Variants in GPHN observed in about 807,000 individuals in gnomAD.
The protein encoded by GPHN is gephyrin.
Under a neutral mutation model 95.5 loss-of-function variants are expected in GPHN, and 17 were observed. That is an observed-to-expected ratio of 0.18 (90% CI 0.12 to 0.27). GPHN has a LOEUF of 0.27. GPHN is among the 10% of genes least tolerant of loss of function. The pLI is 1.00. For missense variants in GPHN, 660 were observed against 978.1 expected (o/e 0.67, Z 4.34); for synonymous variants, 320 against 322.5 (o/e 0.99, Z 0.08).
intron 3 of GPHN, among the ~76,000 whole-genome samples, chr14:66,802,997 T>C (rs940038487): frequency 6.6e-6 from 1 of 152,170 alleles, no homozygotes; most frequent in Non-Finnish European, 1.5e-5. Context: ...CCACTGTCAG[T>C]GGACCCTGTT....
At chr14:67,341,285 C>T in the GPHN span, among the ~76,000 whole-genome samples, 78 of 152,148 alleles carry the variant, frequency 5.1e-4, no homozygotes, top group African/African-American at 1.6e-3. Context: ...TCTGCCCCAC[C>T]GCCCCTTCTG....
intron 17 of GPHN, among the ~76,000 whole-genome samples, chr14:67,125,768 C>T (rs375864712): frequency 1.8e-3 from 275 of 149,550 alleles, no homozygotes; most frequent in African/African-American, 6.5e-3. Flanking sequence ...CAGAGCGAGA[C>T]TCTGTCTCAA....
chr14:67,684,856 A>T, the GPHN span: 1 of 519,074 alleles, frequency 1.9e-6, no homozygotes, highest in African/African-American at 1.9e-5. Flanking sequence ...GTTATTACAA[A>T]AGAGAGTCAA....
chr14:67,724,637 T>C, the GPHN span: 1 of 1,374,634 alleles, frequency 7.3e-7, no homozygotes, highest in East Asian at 2.3e-5. Flanking sequence ...CCTCCCACCC[T>C]TCTTCCCACT....
At chr14:66,853,384 G>A (rs1045686702) in intron 4 of GPHN, among the ~76,000 whole-genome samples, 23 of 152,128 alleles carry the variant, frequency 1.5e-4, no homozygotes, top group African/African-American at 1.7e-4. Context: ...TCAAAGATGA[G>A]AATAGTATGT....
chr14:66,956,384 C>A (rs2068506164), intron 8 of GPHN, among the ~76,000 whole-genome samples: 1 of 151,906 alleles, frequency 6.6e-6, no homozygotes, highest in African/African-American at 2.4e-5. Context: ...ATTTATAGTC[C>A]TTTGGGTATA....
chr14:67,508,759 A>AAAAAAAAAAAAAAAAAC, the GPHN span, among the ~76,000 whole-genome samples: 1 of 149,560 alleles, frequency 6.7e-6, no homozygotes, highest in African/African-American at 2.4e-5. Context: ...GTCTCAAAAA[A>AAAAAAAAAAAAAAAAAC]AAAAAAAAAA....
intron 8 of GPHN, among the ~76,000 whole-genome samples, chr14:66,955,384 G>A (rs1265185451): frequency 6.6e-6 from 1 of 151,974 alleles, no homozygotes; most frequent in Non-Finnish European, 1.5e-5. Flanking sequence ...GCAACTTGTT[G>A]GCATACAGTT....
chr14:67,559,819 G>C, the GPHN span: 465 of 649,870 alleles, frequency 7.2e-4, 1 homozygote, highest in Non-Finnish European at 1.1e-3. Context: ...CACTTGTTTT[G>C]CATTCAGCCT....
At chr14:66,564,285 A>T (rs1313464636) in intron 1 of GPHN, among the ~76,000 whole-genome samples, 1 of 152,174 alleles carries the variant, frequency 6.6e-6, no homozygotes, top group African/African-American at 2.4e-5. Flanking sequence ...TAATAAAATT[A>T]AACTATAATC....
At chr14:67,404,946 A>G in the GPHN span, among the ~76,000 whole-genome samples, 1 of 152,068 alleles carries the variant, frequency 6.6e-6, no homozygotes, top group Non-Finnish European at 1.5e-5. Flanking sequence ...GAGTAATAAG[A>G]ATGGTGGCCA....
intron 9 of GPHN, among the ~76,000 whole-genome samples, chr14:66,999,098 A>G (rs2072035956): frequency 6.6e-6 from 1 of 152,020 alleles, no homozygotes; most frequent in South Asian, 2.1e-4. Context: ...TGAGTGGCAG[A>G]AAATTGTCTT....
At chr14:66,776,389 G>A (rs748509973) in intron 2 of GPHN, 75 bp from the exon 3 acceptor site, 2 of 884,776 alleles carry the variant, frequency 2.3e-6, no homozygotes, top group Middle Eastern at 4.3e-4. Flanking sequence ...GCATTCTGAT[G>A]GTAATGGCAG....
At chr14:67,678,170 C>T in the GPHN span, 108 of 586,456 alleles carry the variant, frequency 1.8e-4, no homozygotes, top group Non-Finnish European at 3.0e-4. Context: ...TGGCAGTACA[C>T]TGAGTTTTAA....
At chr14:67,303,759 C>T in the GPHN span, among the ~76,000 whole-genome samples, 1 of 152,086 alleles carries the variant, frequency 6.6e-6, no homozygotes, top group Non-Finnish European at 1.5e-5. Flanking sequence ...AATTAGTAAA[C>T]TCTGCACCTT....
chr14:66,646,681 A>T (rs1208687084), intron 1 of GPHN, among the ~76,000 whole-genome samples: 1 of 152,132 alleles, frequency 6.6e-6, no homozygotes. Flanking sequence ...ATTGTTGTCA[A>T]ATTCATAAAA....
At chr14:67,440,438 G>T in the GPHN span, among the ~76,000 whole-genome samples, 1 of 151,902 alleles carries the variant, frequency 6.6e-6, no homozygotes, top group South Asian at 2.1e-4. Context: ...CACTCACCTT[G>T]ATCCACTGCT....
chr14:67,312,552 A>G, the GPHN span: 1 of 1,596,668 alleles, frequency 6.3e-7, no homozygotes, highest in Non-Finnish European at 8.5e-7. Context: ...CATTTTGACT[A>G]TGACCCCTCA....
chr14:66,750,268 CTG>C (rs1041569997), intron 2 of GPHN, among the ~76,000 whole-genome samples: 6 of 151,798 alleles, frequency 4.0e-5, no homozygotes, highest in African/African-American at 1.5e-4. Flanking sequence ...GCTGTCAGGT[CTG>C]TGTTTAGATT....
Sources: gnomAD v4.1 joint callset for allele counts (sites outside exome capture counted in the v4.1 genomes callset) on GRCh38, gnomAD v4.1.1 for gene constraint, MANE v1.5 for transcripts, NCBI Gene and HGNC (gene_info 2026-07-23, HGNC 2026-07-21) for gene names.